Variants in CNTN5 observed in about 807,000 individuals in gnomAD.
CNTN5 encodes the protein contactin-5.
CNTN5 carries 77 observed loss-of-function variants against 129.1 expected under a neutral mutation model. The ratio of observed to expected loss-of-function variants is 0.60; its 90% CI spans 0.50 to 0.72. The LOEUF (loss-of-function observed/expected upper bound fraction) is 0.72. Among genes scored for constraint, CNTN5 ranks in the 30% least tolerant of loss-of-function variants. CNTN5 has a pLI of 0.00. For synonymous variants in CNTN5, 509 were observed against 465.6 expected (o/e 1.09, Z -1.20); for missense variants, 1,478 against 1,328.8 (o/e 1.11, Z -1.75).
chr11:99,126,339 C>G (rs998997344), intron 1 of CNTN5, among the ~76,000 whole-genome samples: 1 of 152,280 alleles, frequency 6.6e-6, no homozygotes, highest in South Asian at 2.1e-4. Context: ...TGCCTTCAAA[C>G]TTCTGTTGAA....
At chr11:99,074,267 T>C (rs1276096834) in intron 1 of CNTN5, among the ~76,000 whole-genome samples, 1 of 152,164 alleles carries the variant, frequency 6.6e-6, no homozygotes, top group Non-Finnish European at 1.5e-5. Context: ...TTGTAGATTC[T>C]GGATATTAGA....
chr11:99,513,288 T>C (rs1230385733), intron 2 of CNTN5, among the ~76,000 whole-genome samples: 2 of 152,110 alleles, frequency 1.3e-5, no homozygotes, highest in Middle Eastern at 3.2e-3. Context: ...GTTCATAGGA[T>C]TGAAGGAAAG....
intron 3 of CNTN5, among the ~76,000 whole-genome samples, chr11:99,666,224 T>C (rs1381360003): frequency 1.3e-5 from 2 of 152,142 alleles, no homozygotes; most frequent in Non-Finnish European, 2.9e-5. Context: ...TGCCTGTGCC[T>C]CCCGAAGTGC....
At chr11:99,092,742 A>G (rs1866305901) in intron 1 of CNTN5, among the ~76,000 whole-genome samples, 1 of 152,090 alleles carries the variant, frequency 6.6e-6, no homozygotes, top group Non-Finnish European at 1.5e-5. Flanking sequence ...CATATTACAA[A>G]ACATCATGGA....
intron 3 of CNTN5, among the ~76,000 whole-genome samples, chr11:99,623,283 G>A (rs930348297): frequency 3.3e-5 from 5 of 152,052 alleles, no homozygotes. Context: ...CCAAGTTAGT[G>A]GGAAGTTCAA....
chr11:99,706,477 G>A (rs1460495977), intron 3 of CNTN5, among the ~76,000 whole-genome samples: 1 of 151,424 alleles, frequency 6.6e-6, no homozygotes, highest in Non-Finnish European at 1.5e-5. Flanking sequence ...AGATATATCA[G>A]CATTTGGAAA....
chr11:99,325,361 T>G lies in CNTN5; in HGVS notation c.-194T>G, dbSNP rs1048511630. On this transcript the variant is annotated 5_prime_UTR_variant, in exon 2 of 25. It adds an upstream start codon to the 5' untranslated region. Transcript: ENST00000524871. Reference sequence around the variant, plus strand: ...TTCTTAACAGGTGTCTTTAAAGGATTGCCATTTAATGCCATTCAAGATCTA... The same window carrying G: ...TTCTTAACAGGTGTCTTTAAAGGATGGCCATTTAATGCCATTCAAGATCTA... The G allele has an allele frequency of 1.3e-5, 2 of 152,164 alleles. No individual in the cohort carries two copies. The highest frequency in any genetic ancestry group is 2.9e-5 in the Non-Finnish European group (2 of 68,024). 9.4% of individuals were successfully genotyped at this position (152,164 alleles called of 1,614,324 possible).
At chr11:99,468,359 T>G (rs1426119815) in intron 2 of CNTN5, among the ~76,000 whole-genome samples, 1 of 152,212 alleles carries the variant, frequency 6.6e-6, no homozygotes, top group Non-Finnish European at 1.5e-5. Flanking sequence ...ACAAACTATG[T>G]GCTACCACCT....
At chr11:99,503,883 T>C (rs1000099563) in intron 2 of CNTN5, among the ~76,000 whole-genome samples, 3 of 152,196 alleles carry the variant, frequency 2.0e-5, no homozygotes, top group African/African-American at 7.2e-5. Context: ...TCAATAAATA[T>C]GAACCAAATT....
chr11:99,444,938 T>C lies in CNTN5; in HGVS notation c.-70-111207T>C, dbSNP rs556401732. Reference sequence around the variant, plus strand: ...TTTTATGTATGTGCCTGAATACTCATATGATCAAAATTTAATCGGGAAACA... The same window carrying C: ...TTTTATGTATGTGCCTGAATACTCACATGATCAAAATTTAATCGGGAAACA... On this transcript the variant is annotated intron_variant, in intron 2 of 24. Transcript: ENST00000524871. Among the ~76,000 whole-genome samples, 14 of 151,542 alleles carry C rather than the reference T, an allele frequency of 9.2e-5. 1 individual carries two copies. In the South Asian group the frequency reaches 2.7e-3, roughly 29 times the overall value.
rs757789255 is a variant in CNTN5 at position 99,819,538 on chromosome 11, T to C, written c.56-6T>C. The C allele has an allele frequency of 6.3e-7, 1 of 1,598,440 alleles. No homozygotes were observed. The highest frequency in any genetic ancestry group is 1.1e-5 in the South Asian group (1 of 90,612). On this transcript the variant is annotated splice_region_variant and splice_polypyrimidine_tract_variant and intron_variant, in intron 3 of 24. Coordinates refer to ENST00000524871, the MANE Select transcript of CNTN5 (RefSeq NM_014361.4). ...TTCAGATTTTATTATATTTTTTCTC[T>C]TACAGAGTATTCAAAATCTCTTCCT...
intron 1 of CNTN5, among the ~76,000 whole-genome samples, chr11:99,048,263 C>T (rs78949106): frequency 2.7e-4 from 41 of 152,140 alleles, no homozygotes; most frequent in African/African-American, 9.6e-4. Context: ...TTAAGATCTG[C>T]ACTAAATAGG....
chr11:99,787,478 T>C (rs1945574699), intron 3 of CNTN5, among the ~76,000 whole-genome samples: 2 of 148,558 alleles, frequency 1.3e-5, no homozygotes. Flanking sequence ...AGGTTTTGTC[T>C]TCAAGCTTTA....
intron 3 of CNTN5, among the ~76,000 whole-genome samples, chr11:99,790,868 G>C (rs1042789311): frequency 4.6e-5 from 7 of 152,004 alleles, no homozygotes; most frequent in Non-Finnish European, 7.4e-5. Flanking sequence ...CATTTTGACT[G>C]TTGTCTTATT....
intron 2 of CNTN5, among the ~76,000 whole-genome samples, chr11:99,332,376 T>C (rs1703226876): frequency 6.6e-6 from 1 of 152,130 alleles, no homozygotes; most frequent in Admixed American, 6.6e-5. Flanking sequence ...TCTTCTGCTT[T>C]TATTTTCTAT....
chr11:99,511,823 A>T (rs907615363), intron 2 of CNTN5, among the ~76,000 whole-genome samples: 3 of 150,772 alleles, frequency 2.0e-5, no homozygotes, highest in Non-Finnish European at 4.4e-5. Context: ...AAGTATAATA[A>T]TAAAATTTAA....
intron 8 of CNTN5, 58 bp downstream of exon 8, chr11:99,957,067 T>A (rs1260413680): frequency 7.1e-7 from 1 of 1,416,092 alleles, no homozygotes; most frequent in Non-Finnish European, 9.6e-7. Flanking sequence ...AATAAAGATG[T>A]ATTAGTGTGT....
chr11:100,186,726 A>C (rs1948311284), intron 13 of CNTN5, among the ~76,000 whole-genome samples: 1 of 152,178 alleles, frequency 6.6e-6, no homozygotes, highest in Non-Finnish European at 1.5e-5. Context: ...CCTTTCTTCA[A>C]GTCAAAGACT....
intron 2 of CNTN5, among the ~76,000 whole-genome samples, chr11:99,441,643 G>A (rs559067265): frequency 1.3e-5 from 2 of 152,064 alleles, no homozygotes; most frequent in African/African-American, 4.8e-5. Flanking sequence ...ACTTATGAGA[G>A]GTTGACTCAA....
Sources: gnomAD v4.1 joint callset for allele counts (sites outside exome capture counted in the v4.1 genomes callset) on GRCh38, gnomAD v4.1.1 for gene constraint, MANE v1.5 for transcripts, NCBI Gene and HGNC (gene_info 2026-07-23, HGNC 2026-07-21) for gene names.